The following DIAPH3 variants were observed in gnomAD, a reference collection of about 807,000 sequenced individuals.
DIAPH3 encodes diaphanous related formin 3.
DIAPH3 carries 117 observed loss-of-function variants against 144.3 expected under a neutral mutation model. The ratio of observed to expected loss-of-function variants is 0.81; its 90% CI spans 0.70 to 0.95. The LOEUF (loss-of-function observed/expected upper bound fraction) is 0.95, where lower values mean the gene tolerates loss of function less well. Among genes scored for constraint, DIAPH3 ranks in the 40% least tolerant of loss-of-function variants. DIAPH3 has a pLI of 0.00. For missense variants in DIAPH3, 1,421 were observed against 1,412.7 expected, an observed-to-expected ratio of 1.01 and a Z score of -0.09; for synonymous variants, 519 against 488.9, an observed-to-expected ratio of 1.06 and a Z score of -0.81.
At chr13:59,693,851 G>A (rs754879767) in intron 27 of DIAPH3, among the ~76,000 whole-genome samples, 6 of 151,938 alleles carry the variant, frequency 3.9e-5, no homozygotes, top group Non-Finnish European at 8.8e-5. Context: ...TAGAAAGCAA[G>A]GCCAAAAGTG....
At chr13:59,753,081 A>G (rs1189060220) in intron 27 of DIAPH3, among the ~76,000 whole-genome samples, 1 of 152,236 alleles carries the variant, frequency 6.6e-6, no homozygotes, top group Non-Finnish European at 1.5e-5. Context: ...CTATCTGGAT[A>G]GCTCAGATCA....
chr13:60,155,438 C>A (rs1951981082), intron 1 of DIAPH3, among the ~76,000 whole-genome samples: 1 of 152,054 alleles, frequency 6.6e-6, no homozygotes, highest in Non-Finnish European at 1.5e-5. Flanking sequence ...TATATTGTTT[C>A]TTTTGATAAA....
At chr13:59,827,727 T>C (rs950924581) in intron 24 of DIAPH3, among the ~76,000 whole-genome samples, 1 of 151,904 alleles carries the variant, frequency 6.6e-6, no homozygotes, top group African/African-American at 2.4e-5. Flanking sequence ...TTGGGTTATG[T>C]GAGAAAAAGC....
At position 59,666,378 on chromosome 13, in the gene DIAPH3, T is replaced by C; in HGVS notation, c.*206A>G. 1 of 483,576 alleles carries C rather than the reference T, an allele frequency of 2.1e-6. No individual in the cohort carries two copies. Among genetic ancestry groups the C allele is most frequent in the Non-Finnish European group, 3.4e-6 (1 of 291,646 alleles). 30.0% of individuals were successfully genotyped at this position (483,576 alleles called of 1,614,324 possible). ...GAGACAAAAAAAAAAAAAAAAGGAT[T>C]AAAGCCCGGTACAATCTTGAATAAA... On this transcript the variant is annotated 3_prime_UTR_variant, in exon 28 of 28. Transcript: ENST00000400324.
At chr13:59,685,307 G>A (rs983370181) in intron 27 of DIAPH3, among the ~76,000 whole-genome samples, 4 of 152,054 alleles carry the variant, frequency 2.6e-5, no homozygotes, top group African/African-American at 9.7e-5. Flanking sequence ...GAGTAGTAAT[G>A]AATACATTAT....
At chr13:59,797,597 C>A (rs1277024914) in intron 25 of DIAPH3, among the ~76,000 whole-genome samples, 2 of 152,152 alleles carry the variant, frequency 1.3e-5, no homozygotes, top group Admixed American at 1.3e-4. Context: ...AACAATATCA[C>A]CTGCCAGCAA....
At chr13:59,851,434 T>C (rs924028795) in intron 22 of DIAPH3, among the ~76,000 whole-genome samples, 2 of 152,180 alleles carry the variant, frequency 1.3e-5, no homozygotes, top group Admixed American at 1.3e-4. Flanking sequence ...CCACTCAATC[T>C]AAAACTGCAA....
intron 4 of DIAPH3, among the ~76,000 whole-genome samples, chr13:60,063,477 A>T (rs2056846042): frequency 6.6e-6 from 1 of 152,236 alleles, no homozygotes. Flanking sequence ...GGCATCTAGA[A>T]TGGTGAATCC....
At chr13:60,064,377 C>CA (rs921924594) in intron 4 of DIAPH3, among the ~76,000 whole-genome samples, 1 of 152,242 alleles carries the variant, frequency 6.6e-6, no homozygotes, top group African/African-American at 2.4e-5. Flanking sequence ...CCACCCTCAT[C>CA]AATGATCTTA....
At chr13:59,794,711 G>A (rs2039500255) in intron 25 of DIAPH3, among the ~76,000 whole-genome samples, 2 of 151,986 alleles carry the variant, frequency 1.3e-5, no homozygotes, top group African/African-American at 4.8e-5. Context: ...GTCTCATTGT[G>A]TGGCCCAGAC....
intron 27 of DIAPH3, among the ~76,000 whole-genome samples, chr13:59,766,619 C>T (rs2037871759): frequency 6.6e-6 from 1 of 152,112 alleles, no homozygotes; most frequent in Admixed American, 6.6e-5. Flanking sequence ...CTACTGCTCC[C>T]CTAAGTCTTA....
chr13:60,027,769 T>C (rs900339209), intron 5 of DIAPH3, among the ~76,000 whole-genome samples: 3 of 152,196 alleles, frequency 2.0e-5, no homozygotes, highest in Non-Finnish European at 4.4e-5. Flanking sequence ...GCACTACCAG[T>C]ACCAGTAAGT....
chr13:59,919,228 A>G (rs1452173333), intron 18 of DIAPH3, among the ~76,000 whole-genome samples: 1 of 152,158 alleles, frequency 6.6e-6, no homozygotes, highest in African/African-American at 2.4e-5. Flanking sequence ...GAGAGAGTAG[A>G]TAACATTGTA....
intron 2 of DIAPH3, among the ~76,000 whole-genome samples, chr13:60,124,796 T>G (rs2138173128): frequency 6.6e-6 from 1 of 152,014 alleles, no homozygotes; most frequent in South Asian, 2.1e-4. Context: ...GAGCTGTGTT[T>G]GCACCACTGC....
intron 27 of DIAPH3, among the ~76,000 whole-genome samples, chr13:59,750,492 C>A (rs1224684601): frequency 6.6e-6 from 1 of 152,184 alleles, no homozygotes; most frequent in African/African-American, 2.4e-5. Flanking sequence ...AAAGATCATG[C>A]AATTGGTAGG....
intron 2 of DIAPH3, among the ~76,000 whole-genome samples, chr13:60,124,519 C>T (rs1273804607): frequency 6.6e-6 from 1 of 151,992 alleles, no homozygotes; most frequent in Non-Finnish European, 1.5e-5. Context: ...TCTTAGAAAA[C>T]ATCTTAGATA....
At chr13:59,697,769 T>C (rs1486694691) in intron 27 of DIAPH3, among the ~76,000 whole-genome samples, 1 of 152,122 alleles carries the variant, frequency 6.6e-6, no homozygotes, top group Non-Finnish European at 1.5e-5. Flanking sequence ...AGAAAAAGAT[T>C]ACCTATTGAT....
chr13:59,919,988 G>A (rs572601633), intron 18 of DIAPH3, among the ~76,000 whole-genome samples: 3 of 151,792 alleles, frequency 2.0e-5, no homozygotes, highest in African/African-American at 7.2e-5. Flanking sequence ...ATAAATTGTT[G>A]TAACTGTAAA....
chr13:60,093,605 T>C lies in DIAPH3; in HGVS notation c.495+23A>G, dbSNP rs762656298. ...TGTTAAAACATGTTCGGCAGTATTT[T>C]TCAACTTGACAGTTTTACTTACTGT... On this transcript the variant is annotated intron_variant, in intron 4 of 27. Transcript: ENST00000400324. 2.7e-6 allele frequency: 4 copies of C among 1,479,590 alleles called. No individual in the cohort carries two copies. The Admixed American group carries it at 6.7e-5, about 25-fold the overall frequency. The allele number at this position is 1,479,590 out of a possible 1,614,324, so 91.7% of individuals were successfully genotyped here.
Sources: gnomAD v4.1 joint callset for allele counts (sites outside exome capture counted in the v4.1 genomes callset) on GRCh38, gnomAD v4.1.1 for gene constraint, MANE v1.5 for transcripts, NCBI Gene and HGNC (gene_info 2026-07-23, HGNC 2026-07-21) for gene names.